BASP1: variants seen among roughly 807,000 people sequenced by gnomAD.
BASP1 encodes the protein brain abundant membrane attached signal protein 1, also known as brain acid soluble protein 1.
In BASP1, 1 loss-of-function variant was observed where a neutral mutation model predicts 2.2. The ratio of observed to expected loss-of-function variants is 0.46; its 90% CI spans 0.16 to 2.17. The LOEUF is 2.17. Among genes scored for constraint, BASP1 ranks in the 30% most tolerant of loss-of-function variants. The pLI is 0.27. For missense variants in BASP1, 352 were observed against 327.2 expected (o/e 1.08, Z -0.58); for synonymous variants, 187 against 154.2 (o/e 1.21, Z -1.58).
At position 17,236,136 on chromosome 5, in the gene BASP1, C is replaced by T. The variant is rs1483162410; in HGVS notation, c.-10+18326C>T. Among the ~76,000 whole-genome samples, 2 of 152,210 alleles carry T rather than the reference C, an allele frequency of 1.3e-5. No homozygotes were observed. Among genetic ancestry groups the T allele is most frequent in the African/African-American group, 4.8e-5 (2 of 41,446 alleles). On this transcript the variant is annotated intron_variant, in intron 1 of 1. Coordinates refer to ENST00000322611, the MANE Select transcript of BASP1 (RefSeq NM_006317.5). The surrounding 1 kb of genome is among the most constrained non-coding windows in gnomAD (Gnocchi z 4.0). ...GGGAAGCCAAAAGATTGGACACCCCCACCCTTGCGTTTAGTCTTTAAGACT... is the reference window on the plus strand; with the variant it reads ...GGGAAGCCAAAAGATTGGACACCCCTACCCTTGCGTTTAGTCTTTAAGACT...
chr5:17,220,347 T>C (rs1392849797), intron 1 of BASP1, among the ~76,000 whole-genome samples: 1 of 152,166 alleles, frequency 6.6e-6, no homozygotes, highest in Admixed American at 6.5e-5. Flanking sequence ...TTTTTTCTTT[T>C]CCTTTAGGTT....
At chr5:17,226,893 TAA>T (rs1739518476) in intron 1 of BASP1, among the ~76,000 whole-genome samples, 4 of 152,234 alleles carry the variant, frequency 2.6e-5, no homozygotes, top group African/African-American at 7.2e-5. Flanking sequence ...TGTGATTAGA[TAA>T]AGTGTCCTGG....
chr5:17,232,009 A>G (rs1739641760), intron 1 of BASP1, among the ~76,000 whole-genome samples: 1 of 152,248 alleles, frequency 6.6e-6, no homozygotes, highest in African/African-American at 2.4e-5. Context: ...GAAGATGAAT[A>G]GCTGATGAAC....
intron 1 of BASP1, among the ~76,000 whole-genome samples, chr5:17,269,409 A>G (rs1161340975): frequency 1.3e-5 from 2 of 152,192 alleles, no homozygotes; most frequent in Admixed American, 1.3e-4. Flanking sequence ...TAGGCAAAAA[A>G]GGACCAGGCT....
chr5:17,230,471 ATACT>A (rs1203311341), intron 1 of BASP1, among the ~76,000 whole-genome samples: 9 of 152,168 alleles, frequency 5.9e-5, no homozygotes, highest in Non-Finnish European at 1.3e-4. Flanking sequence ...ACAAGTAGTG[ATACT>A]TACAGGGATT....
intron 1 of BASP1, among the ~76,000 whole-genome samples, chr5:17,230,912 G>A (rs1262551142): frequency 1.3e-5 from 2 of 152,112 alleles, no homozygotes; most frequent in Non-Finnish European, 2.9e-5. Flanking sequence ...ACCCTGTCAA[G>A]TAATTCAGTT....
Position 17,275,845 on chromosome 5 carries a change from AG to A in BASP1, c.630del (p.Lys210AsnfsTer14). 6.2e-7 allele frequency: 1 copy of A among 1,607,106 alleles called. No individual in the cohort carries two copies. Among genetic ancestry groups the A allele is most frequent in the Non-Finnish European group, 8.5e-7 (1 of 1,177,284 alleles). ...QGPAASAEEP[K>X]PVEAPAANSD... ...CCCGCAGCCTCTGCAGAAGAGCCCA[AG>A]CCGGTGGAGGCCCCGGCAGCTAATT... On this transcript the variant is annotated frameshift_variant, in exon 2 of 2. Coordinates refer to ENST00000322611, the MANE Select transcript of BASP1 (RefSeq NM_006317.5). LOFTEE classifies it high-confidence loss of function. This position sits in a 1 kb window ranked among gnomAD's most constrained non-coding sequence, Gnocchi z 5.3.
At chr5:17,250,314 A>G (rs1469338721) in intron 1 of BASP1, among the ~76,000 whole-genome samples, 1 of 152,212 alleles carries the variant, frequency 6.6e-6, no homozygotes, top group Non-Finnish European at 1.5e-5. Context: ...AAAACTTTGC[A>G]CTTCGTAAAA....
intron 1 of BASP1, among the ~76,000 whole-genome samples, chr5:17,230,709 G>A (rs1739617603): frequency 6.6e-6 from 1 of 152,046 alleles, no homozygotes; most frequent in Non-Finnish European, 1.5e-5. Flanking sequence ...GATTACAGGT[G>A]TGTGCCACCA....
At chr5:17,226,005 C>T (rs892384330) in intron 1 of BASP1, among the ~76,000 whole-genome samples, 3 of 152,080 alleles carry the variant, frequency 2.0e-5, no homozygotes, top group Non-Finnish European at 2.9e-5. Flanking sequence ...AAACTGTGTG[C>T]ATTTGTGTTT....
intron 1 of BASP1, among the ~76,000 whole-genome samples, chr5:17,269,103 A>G (rs1388425571): frequency 6.6e-6 from 1 of 152,214 alleles, no homozygotes; most frequent in African/African-American, 2.4e-5. Context: ...CAAACGAACA[A>G]ACAACAACAA....
rs543079959 is a variant in BASP1 at position 17,269,111 on chromosome 5, C to A, written c.-9-6097C>A. Among the ~76,000 whole-genome samples the A allele has an allele frequency of 2.6e-5, 4 of 152,214 alleles. No individual in the cohort carries two copies. The South Asian group carries it at 8.3e-4, about 32-fold the overall frequency. On this transcript the variant is annotated intron_variant, in intron 1 of 1. Transcript: ENST00000322611. ...ACAAAAACAAACGAACAAACAACAA[C>A]AAAAAAACTTCACCTTACCTTGCTG...
chr5:17,248,199 C>G (rs1740032882), intron 1 of BASP1, among the ~76,000 whole-genome samples: 1 of 152,212 alleles, frequency 6.6e-6, no homozygotes, highest in Non-Finnish European at 1.5e-5. Flanking sequence ...AATCCCTTGG[C>G]TCACACTTAA....
At chr5:17,245,811 T>C (rs990285819) in intron 1 of BASP1, among the ~76,000 whole-genome samples, 7 of 152,124 alleles carry the variant, frequency 4.6e-5, no homozygotes, top group African/African-American at 1.4e-4. Context: ...AATAAATACA[T>C]TGCTCAGGAT....
At chr5:17,265,789 C>A (rs1740404852) in intron 1 of BASP1, among the ~76,000 whole-genome samples, 1 of 152,186 alleles carries the variant, frequency 6.6e-6, no homozygotes, top group African/African-American at 2.4e-5. Flanking sequence ...AGAACAACTT[C>A]CAGCTCAAAT....
At chr5:17,259,776 C>G (rs1740281166) in intron 1 of BASP1, among the ~76,000 whole-genome samples, 1 of 152,206 alleles carries the variant, frequency 6.6e-6, no homozygotes, top group Non-Finnish European at 1.5e-5. Context: ...ACCAGCCTGT[C>G]TTTGTCAGGT....
chr5:17,230,442 G>A (rs554520991), intron 1 of BASP1, among the ~76,000 whole-genome samples: 2 of 152,120 alleles, frequency 1.3e-5, no homozygotes, highest in African/African-American at 4.8e-5. Context: ...TGAATTTTGG[G>A]GCCTTTCCAA....
intron 1 of BASP1, among the ~76,000 whole-genome samples, chr5:17,271,454 T>C (rs538669938): frequency 6.6e-5 from 10 of 152,330 alleles, no homozygotes; most frequent in South Asian, 6.2e-4. Flanking sequence ...AGCTTTTTTC[T>C]GAGATGTCAT....
At chr5:17,222,724 T>G (rs989166745) in intron 1 of BASP1, among the ~76,000 whole-genome samples, 2 of 152,186 alleles carry the variant, frequency 1.3e-5, no homozygotes, top group Non-Finnish European at 2.9e-5. Context: ...AAAAAATTAT[T>G]TCTTAATGTT....
Sources: gnomAD v4.1 joint callset for allele counts (sites outside exome capture counted in the v4.1 genomes callset) on GRCh38, gnomAD v4.1.1 for gene constraint, Gnocchi (gnomAD v3.1) non-coding constraint, MANE v1.5 for transcripts, NCBI Gene and HGNC (gene_info 2026-07-23, HGNC 2026-07-21) for gene names.